Variants in KPNA4 observed in about 807,000 individuals in gnomAD.
KPNA4 encodes karyopherin subunit alpha 4, also known as importin subunit alpha-3.
In KPNA4, 13 loss-of-function variants were observed where a neutral mutation model predicts 71.3. The observed-to-expected ratio is 0.18, with a 90% CI of 0.12 to 0.29. The LOEUF (loss-of-function observed/expected upper bound fraction) is 0.29, where lower values mean the gene tolerates loss of function less well. Ranked by LOEUF, KPNA4 falls within the 10% of genes least tolerant of loss-of-function variation. The pLI is 1.00. For synonymous variants in KPNA4, 189 were observed against 195.2 expected, an observed-to-expected ratio of 0.97 and a Z score of 0.26; for missense variants, 334 against 603.2, an observed-to-expected ratio of 0.55 and a Z score of 4.67.
At chr3:160,513,886 C>A (rs777873397) in intron 13 of KPNA4, among the ~76,000 whole-genome samples, 191 bp downstream of exon 13, 3 of 151,992 alleles carry the variant, frequency 2.0e-5, no homozygotes, top group Non-Finnish European at 2.9e-5. Flanking sequence ...ATTTGCCCCC[C>A]ACCCCCCAAA....
chr3:160,498,456 G>C lies in KPNA4; in HGVS notation c.*3648C>G, dbSNP rs1286550447. The C allele has an allele frequency of 1.3e-5, 2 of 152,176 alleles. No homozygotes were observed. Among genetic ancestry groups the C allele is most frequent in the East Asian group, 3.9e-4 (2 of 5,194 alleles). The allele number at this position is 152,176 out of a possible 1,614,324, so 9.4% of individuals were successfully genotyped here. On this transcript the variant is annotated 3_prime_UTR_variant, in exon 17 of 17. Coordinates refer to ENST00000334256, the MANE Select transcript of KPNA4 (RefSeq NM_002268.5). ...TGTGAACAGGATCTTTGAATATGAT[G>C]CGTATCACCCCTGTGATTGGACTAC...
intron 1 of KPNA4, among the ~76,000 whole-genome samples, chr3:160,558,879 T>G (rs964273600): frequency 6.6e-6 from 1 of 152,180 alleles, no homozygotes; most frequent in Non-Finnish European, 1.5e-5. Context: ...ACATCTAAAA[T>G]TTGTTTAAAA....
rs1720893850 is a variant in KPNA4, at chr3:160,502,043, C to T, written c.*61G>A. 3 of 541,436 alleles carry T rather than the reference C, an allele frequency of 5.5e-6. No individual in the cohort carries two copies. Among genetic ancestry groups the T allele is most frequent in the East Asian group, 3.6e-5 (1 of 27,890 alleles). The allele number at this position is 541,436 out of a possible 1,614,324, so 33.5% of individuals were successfully genotyped here. ...ATATGTATATATATATATATATACACACACACATATATATATATATATCTC... is the reference window on the plus strand; with the variant it reads ...ATATGTATATATATATATATATACATACACACATATATATATATATATCTC... On this transcript the variant is annotated 3_prime_UTR_variant, in exon 17 of 17. Coordinates refer to ENST00000334256, the MANE Select transcript of KPNA4 (RefSeq NM_002268.5).
chr3:160,547,621 A>T (rs1296958037), intron 1 of KPNA4, among the ~76,000 whole-genome samples: 2 of 152,096 alleles, frequency 1.3e-5, no homozygotes. Context: ...TTGGTGTCGC[A>T]TACTCTACAG....
At chr3:160,542,166 G>C (rs2108556195) in intron 1 of KPNA4, among the ~76,000 whole-genome samples, 1 of 152,252 alleles carries the variant, frequency 6.6e-6, no homozygotes, top group South Asian at 2.1e-4. Context: ...GGTAGGCAAG[G>C]AGACAAATCA....
intron 13 of KPNA4, among the ~76,000 whole-genome samples, chr3:160,513,451 G>C (rs551923883): frequency 6.6e-6 from 1 of 152,032 alleles, no homozygotes; most frequent in Admixed American, 6.5e-5. Context: ...TTTTTGTAGA[G>C]ATGGAGTCCC....
At chr3:160,530,207 G>A (rs1244521479) in intron 7 of KPNA4, among the ~76,000 whole-genome samples, 1 of 149,624 alleles carries the variant, frequency 6.7e-6, no homozygotes, top group Non-Finnish European at 1.5e-5. Context: ...GGTGGCTCAT[G>A]CCTATAATCC....
At chr3:160,562,299 T>C (rs1404661855) in intron 1 of KPNA4, among the ~76,000 whole-genome samples, 2 of 152,188 alleles carry the variant, frequency 1.3e-5, no homozygotes, top group East Asian at 1.9e-4. Context: ...AAATTAGATG[T>C]TGCATGGTAT....
In KPNA4 at chr3:160,534,190, C is replaced by T. The variant is rs533406271; in HGVS notation, c.287+1323G>A. 1.3e-4 allele frequency among the ~76,000 whole-genome samples: 20 copies of T among 152,314 alleles called. No homozygotes were observed. In the South Asian group the frequency reaches 3.5e-3, roughly 27 times the overall value. ...CTGGATAAGGTATTGGATAGACCTA[C>T]AAACTTTTTCCACTTTCAAATTCTG... On this transcript the variant is annotated intron_variant, in intron 5 of 16. Transcript: ENST00000334256.
At chr3:160,515,897 G>C (rs145301883) in intron 11 of KPNA4, among the ~76,000 whole-genome samples, 1 of 152,174 alleles carries the variant, frequency 6.6e-6, no homozygotes, top group Non-Finnish European at 1.5e-5. Context: ...TTATAGGCAT[G>C]AGCCATTGTG....
At chr3:160,521,382 T>G (rs1721345927) in intron 11 of KPNA4, among the ~76,000 whole-genome samples, 1 of 152,188 alleles carries the variant, frequency 6.6e-6, no homozygotes, top group African/African-American at 2.4e-5. Context: ...AAGGATCATT[T>G]GAGGCCAGGA....
Position 160,511,329 on chromosome 3 carries a change from T to G in KPNA4, c.1138-1458A>C, listed in dbSNP as rs150114909. On this transcript the variant is annotated intron_variant, in intron 13 of 16. Coordinates refer to ENST00000334256, the MANE Select transcript of KPNA4 (RefSeq NM_002268.5). ...GCTGTGTTAGCCAGGATGGTCTCGA[T>G]CTCCTGACTTCATGATCTGCCCGCC... Among the ~76,000 whole-genome samples, 966 of 151,224 alleles carry G rather than the reference T, an allele frequency of 6.4e-3. 10 individuals carry two copies. The highest frequency in any genetic ancestry group is 0.022 in the African/African-American group (895 of 41,104).
intron 7 of KPNA4, among the ~76,000 whole-genome samples, chr3:160,530,012 G>A (rs1302460511): frequency 6.6e-6 from 1 of 151,662 alleles, no homozygotes; most frequent in East Asian, 1.9e-4. Context: ...GTGGGCGCCT[G>A]TAGCCCCAGG....
chr3:160,562,587 T>C (rs1722269245), intron 1 of KPNA4, among the ~76,000 whole-genome samples: 1 of 152,166 alleles, frequency 6.6e-6, no homozygotes, highest in African/African-American at 2.4e-5. Context: ...CACTGTACTG[T>C]TCTCTAAATA....
chr3:160,515,155 A>T (rs774445830), intron 12 of KPNA4: 4 of 527,466 alleles, frequency 7.6e-6, no homozygotes, highest in Admixed American at 3.9e-5. Context: ...CACTAAACTT[A>T]TAAGAATTAC....
chr3:160,508,010 AAGAC>A (rs1721020969), intron 15 of KPNA4, 93 bp downstream of exon 15: 3 of 938,534 alleles, frequency 3.2e-6, no homozygotes, highest in Admixed American at 2.8e-5. Context: ...TTGAATATCT[AAGAC>A]AGAAAAATAT....
At chr3:160,502,937 C>G (rs994701336) in intron 16 of KPNA4, among the ~76,000 whole-genome samples, 1 of 152,020 alleles carries the variant, frequency 6.6e-6, no homozygotes, top group African/African-American at 2.4e-5. Context: ...GTGGCGAAAC[C>G]CCATCTCTAC....
chr3:160,564,354 C>CCAG (rs1722298449), intron 1 of KPNA4: 3 of 151,998 alleles, frequency 2.0e-5, no homozygotes, highest in African/African-American at 4.8e-5. Context: ...ACTACCACCA[C>CCAG]CAGCAGGTGG....
At chr3:160,524,870 CAAATT>C (rs1721430485) in intron 10 of KPNA4, among the ~76,000 whole-genome samples, 1 of 152,136 alleles carries the variant, frequency 6.6e-6, no homozygotes, top group Non-Finnish European at 1.5e-5. Flanking sequence ...TTGTTCCATA[CAAATT>C]AAATTCTGGC....
Sources: gnomAD v4.1 joint callset for allele counts (sites outside exome capture counted in the v4.1 genomes callset) on GRCh38, gnomAD v4.1.1 for gene constraint, MANE v1.5 for transcripts, NCBI Gene and HGNC (gene_info 2026-07-23, HGNC 2026-07-21) for gene names.